Variants in FRY observed in about 807,000 individuals in gnomAD.
FRY encodes the protein protein furry homolog.
Under a neutral mutation model 348.4 loss-of-function variants are expected in FRY, and 128 were observed. That is an observed-to-expected ratio of 0.37 (90% CI 0.32 to 0.43). FRY has a LOEUF of 0.43. Among genes scored for constraint, FRY ranks in the 20% least tolerant of loss-of-function variants. The pLI is 1.00. For missense variants in FRY, 2,736 were observed against 3,695.2 expected (o/e 0.74, Z 6.73); for synonymous variants, 1,370 against 1,374.7 (o/e 1.00, Z 0.08).
chr13:32,147,686 G>T (rs1880542170), intron 12 of FRY, among the ~76,000 whole-genome samples, 153 bp from the exon 13 acceptor site: 1 of 152,190 alleles, frequency 6.6e-6, no homozygotes, highest in South Asian at 2.1e-4. Flanking sequence ...TTTTCATAGA[G>T]TAATTATGCT....
rs757783685 is a variant in FRY, at chr13:32,244,163, C to A, written c.6809C>A (p.Thr2270Lys). Residue 2270 changes from threonine to lysine, a missense_variant, in exon 47 of 61, where the codon ACA (threonine) becomes AAA (lysine). This residue lies in a region of FRY where 789 missense variants were observed against 996.2 expected (regional missense o/e 0.79). Transcript: ENST00000542859. ...VKQFNVEVLK[T>K]IEKYVQSVHW... The stretch of plus-strand genomic sequence containing the variant: ...CAGTTCAATGTGGAAGTTCTGAAGA[C>A]AATTGAAAAATATGTGCAAGTGAGT... The A allele has an allele frequency of 1.2e-6, 2 of 1,613,762 alleles. No individual in the cohort carries two copies. Among genetic ancestry groups the A allele is most frequent in the South Asian group, 2.2e-5 (2 of 91,068 alleles).
At chr13:32,235,547 C>G (rs1226977882) in intron 42 of FRY, among the ~76,000 whole-genome samples, 1 of 152,180 alleles carries the variant, frequency 6.6e-6, no homozygotes, top group African/African-American at 2.4e-5. Context: ...TCACTTGAAC[C>G]CAGGAGGCAG....
At chr13:32,123,891 C>T (rs1878847991) in intron 4 of FRY, among the ~76,000 whole-genome samples, 2 of 152,194 alleles carry the variant, frequency 1.3e-5, no homozygotes, top group South Asian at 4.1e-4. Flanking sequence ...AGTGCAGTGG[C>T]ATGATCTCAG....
At chr13:32,225,172 C>G (rs1885517903) in intron 38 of FRY, 136 bp downstream of exon 38, 4 of 703,738 alleles carry the variant, frequency 5.7e-6, no homozygotes, top group Non-Finnish European at 1.0e-5. Flanking sequence ...TTTTCATTGC[C>G]CTTTTGTGAC....
intron 39 of FRY, among the ~76,000 whole-genome samples, chr13:32,227,224 T>G (rs1885628500): frequency 6.6e-6 from 1 of 152,202 alleles, no homozygotes; most frequent in Non-Finnish European, 1.5e-5. Context: ...TGTACAAAGA[T>G]TATGGGAAAT....
intron 24 of FRY, among the ~76,000 whole-genome samples, chr13:32,184,370 A>G (rs1882894323): frequency 6.6e-6 from 1 of 152,136 alleles, no homozygotes; most frequent in Admixed American, 6.5e-5. Flanking sequence ...GTTGGTTCTC[A>G]ACATTGCCAC....
intron 39 of FRY, among the ~76,000 whole-genome samples, chr13:32,227,993 A>G (rs988416371): frequency 7.9e-5 from 12 of 151,776 alleles, no homozygotes; most frequent in South Asian, 2.1e-4. Context: ...CTTGTGATCC[A>G]CCCGCCTCAG....
intron 39 of FRY, among the ~76,000 whole-genome samples, chr13:32,226,195 G>GTT (rs1430229221): frequency 1.3e-5 from 2 of 152,046 alleles, no homozygotes; most frequent in Admixed American, 6.6e-5. Flanking sequence ...ATTTTTCCTG[G>GTT]TTATATATAT....
chr13:32,266,480 C>A (rs774326055), intron 54 of FRY, among the ~76,000 whole-genome samples: 5 of 152,000 alleles, frequency 3.3e-5, no homozygotes, highest in Non-Finnish European at 7.4e-5. Flanking sequence ...TTAGAAGATT[C>A]AAAATTTATA....
chr13:32,285,022 G>T (rs206092), intron 58 of FRY, among the ~76,000 whole-genome samples: 42,429 of 151,916 alleles, frequency 0.28, 6,145 homozygotes, highest in Middle Eastern at 0.32. Flanking sequence ...TTGATCTTTT[G>T]TTTCCTCATT....
intron 55 of FRY, among the ~76,000 whole-genome samples, chr13:32,269,544 G>A (rs775712683): frequency 6.6e-6 from 1 of 152,084 alleles, no homozygotes; most frequent in African/African-American, 2.4e-5. Context: ...TACAAAATTA[G>A]CCAGGCGTGA....
intron 60 of FRY, 50 bp downstream of exon 60, chr13:32,294,620 T>C (rs779641101): frequency 3.7e-6 from 5 of 1,353,380 alleles, no homozygotes; most frequent in Middle Eastern, 2.0e-4. Flanking sequence ...GCACACCTGG[T>C]TGTTACTCTG....
At chr13:32,088,684 C>T (rs964586973) in intron 2 of FRY, among the ~76,000 whole-genome samples, 3 of 146,610 alleles carry the variant, frequency 2.0e-5, no homozygotes, top group Non-Finnish European at 3.0e-5. Flanking sequence ...TTTGATTGAA[C>T]CTTATAGCAA....
intron 58 of FRY, among the ~76,000 whole-genome samples, chr13:32,279,432 G>A (rs1366337404): frequency 1.3e-5 from 2 of 152,244 alleles, no homozygotes; most frequent in Admixed American, 6.5e-5. Context: ...AAAAGGTTGA[G>A]AAGAGTCTGG....
intron 14 of FRY, among the ~76,000 whole-genome samples, chr13:32,154,462 T>C (rs1199506235): frequency 1.3e-5 from 2 of 152,190 alleles, no homozygotes; most frequent in African/African-American, 4.8e-5. Flanking sequence ...TAAAATGTAA[T>C]CGTGTTCTAC....
rs573137995 is a variant in FRY at position 32,273,473 on chromosome 13, C to T, written c.8137-1369C>T. On this transcript the variant is annotated intron_variant, in intron 55 of 60. Coordinates refer to ENST00000542859, the MANE Select transcript of FRY (RefSeq NM_023037.3). ...TCCTGACCTCGTGATCCACCCGCCT[C>T]GGCCTCCCAAAGTGCTGGGATTACA... Among the ~76,000 whole-genome samples, 435 of 152,226 alleles carry T rather than the reference C, an allele frequency of 2.9e-3. 2 individuals are homozygous for T. Among genetic ancestry groups the T allele is most frequent in the African/African-American group, 1.0e-2 (415 of 41,540 alleles).
Position 32,265,311 on chromosome 13 carries a change from T to C in FRY, c.7780-139T>C, listed in dbSNP as rs948890680. 4 of 791,316 alleles carry C rather than the reference T, an allele frequency of 5.1e-6. No individual in the cohort carries two copies. In the African/African-American group the frequency reaches 5.1e-5, roughly 10 times the overall value. 49.0% of individuals were successfully genotyped at this position (791,316 alleles called of 1,614,324 possible). ...CTGAGTCCAGCCTAGAAACGGACTA[T>C]ACTGTAGCTAGAAAACAAATGTCCC... On this transcript the variant is annotated intron_variant, in intron 53 of 60. Coordinates refer to ENST00000542859, the MANE Select transcript of FRY (RefSeq NM_023037.3).
intron 1 of FRY, among the ~76,000 whole-genome samples, chr13:32,069,060 G>C (rs2138483604): frequency 6.6e-6 from 1 of 152,094 alleles, no homozygotes; most frequent in East Asian, 1.9e-4. Context: ...GGGACTAGAA[G>C]CACCCGCCAC....
intron 13 of FRY, 121 bp from the exon 14 acceptor site, chr13:32,149,627 G>A: frequency 1.4e-6 from 1 of 699,644 alleles, no homozygotes. Flanking sequence ...CCACAAAACT[G>A]AGCAGTGCCC....
Sources: allele counts gnomAD v4.1 joint callset (sites outside exome capture counted in the v4.1 genomes callset), GRCh38; gene constraint gnomAD v4.1.1; regional missense constraint gnomAD v4.1.1; transcripts MANE v1.5; gene names NCBI Gene and HGNC (gene_info 2026-07-23, HGNC 2026-07-21).